The following CCDC3 variants were observed in gnomAD, a reference collection of about 807,000 sequenced individuals.
CCDC3 encodes the protein coiled-coil domain-containing protein 3.
Under a neutral mutation model 21.4 loss-of-function variants are expected in CCDC3, and 24 were observed. The observed-to-expected ratio is 1.12, with a 90% CI of 0.81 to 1.58. The LOEUF (loss-of-function observed/expected upper bound fraction) is 1.58. CCDC3 is among the 40% of genes most tolerant of loss of function. The pLI is 0.00. For synonymous variants in CCDC3, 186 were observed against 166.0 expected, an observed-to-expected ratio of 1.12 and a Z score of -0.93; for missense variants, 425 against 360.9, an observed-to-expected ratio of 1.18 and a Z score of -1.44.
At chr10:12,986,706 G>C (rs555868471) in intron 2 of CCDC3, among the ~76,000 whole-genome samples, 2 of 151,328 alleles carry the variant, frequency 1.3e-5, no homozygotes, top group African/African-American at 4.9e-5. Context: ...GCGGGAGGCG[G>C]AGCTTGCAGT....
intron 5 of CCDC3, among the ~76,000 whole-genome samples, chr10:13,015,074 GA>G (rs1445268415): frequency 2.0e-5 from 3 of 152,086 alleles, no homozygotes; most frequent in Non-Finnish European, 2.9e-5. Context: ...GCATGCATGT[GA>G]TATAACGTTA....
chr10:12,960,299 C>G (rs1275548290), intron 2 of CCDC3, among the ~76,000 whole-genome samples: 1 of 152,160 alleles, frequency 6.6e-6, no homozygotes, highest in African/African-American at 2.4e-5. Flanking sequence ...TTACAGAACT[C>G]TGGAGTCATT....
intron 2 of CCDC3, among the ~76,000 whole-genome samples, chr10:12,984,006 G>C (rs1047135849): frequency 2.6e-5 from 4 of 152,178 alleles, no homozygotes; most frequent in African/African-American, 9.6e-5. Context: ...CCTGACCCCG[G>C]GAGACAGAGG....
rs533006133 is a variant in CCDC3, at chr10:13,001,556, C to T, written c.15G>A (p.Leu5=). MLRQ[L]LLAALCLAGP... ...CCGCCAGGCAGAGCGCGGCGAGCAG[C>T]AGCTGGCGCAGCATGCCGGGCCCTC... The change falls in exon 1 of 3, where the codon CTG becomes CTA. Residue 5 remains leucine, a synonymous_variant. Transcript: ENST00000378825. 1.5e-4 allele frequency: 185 copies of T among 1,253,036 alleles called. 2 individuals carry two copies. The East Asian group carries it at 5.5e-3, about 38-fold the overall frequency. 77.6% of individuals were successfully genotyped at this position (1,253,036 alleles called of 1,614,324 possible).
intron 2 of CCDC3, among the ~76,000 whole-genome samples, chr10:12,918,728 G>T (rs144553883): frequency 6.6e-6 from 1 of 152,110 alleles, no homozygotes; most frequent in African/African-American, 2.4e-5. Context: ...AAGGGGGAAG[G>T]CTTCCAACAT....
chr10:12,972,645 C>T (rs1025448680), intron 2 of CCDC3, among the ~76,000 whole-genome samples: 12 of 152,036 alleles, frequency 7.9e-5, no homozygotes, highest in Admixed American at 3.3e-4. Flanking sequence ...GGTGAAACCC[C>T]GTCTCTACTA....
intron 5 of CCDC3, among the ~76,000 whole-genome samples, chr10:13,021,900 C>G (rs1836151205): frequency 6.6e-6 from 1 of 152,122 alleles, no homozygotes; most frequent in Non-Finnish European, 1.5e-5. Flanking sequence ...GCTGGGATTA[C>G]AGGTGCACGC....
At chr10:13,050,483 C>T (rs1483747016) in intron 4 of CCDC3, among the ~76,000 whole-genome samples, 5 of 116,924 alleles carry the variant, frequency 4.3e-5, no homozygotes, top group African/African-American at 6.6e-5. Flanking sequence ...TTTTTTGAGA[C>T]GGAGTCTCGC....
chr10:12,969,172 G>A (rs777432518), intron 2 of CCDC3, among the ~76,000 whole-genome samples: 43 of 152,028 alleles, frequency 2.8e-4, no homozygotes, highest in Admixed American at 2.6e-4. Flanking sequence ...CTCTAAAGAC[G>A]ACATACAAAT....
intron 2 of CCDC3, among the ~76,000 whole-genome samples, chr10:12,941,826 A>G (rs551010262): frequency 6.6e-6 from 1 of 152,306 alleles, no homozygotes; most frequent in Non-Finnish European, 1.5e-5. Context: ...TTTGTAATAG[A>G]AAATTCCATC....
chr10:12,926,046 G>A (rs943883171), intron 2 of CCDC3, among the ~76,000 whole-genome samples: 6 of 152,262 alleles, frequency 3.9e-5, no homozygotes, highest in Admixed American at 3.3e-4. Flanking sequence ...CAGAGGGACT[G>A]CTGGCTGCCT....
At chr10:13,065,812 T>C (rs1248736033) in intron 4 of CCDC3, among the ~76,000 whole-genome samples, 2 of 152,216 alleles carry the variant, frequency 1.3e-5, no homozygotes, top group Non-Finnish European at 2.9e-5. Context: ...GTCATATATA[T>C]ATATCAGTCA....
chr10:13,015,202 T>C (rs1382698844), intron 5 of CCDC3, among the ~76,000 whole-genome samples: 1 of 152,104 alleles, frequency 6.6e-6, no homozygotes, highest in Non-Finnish European at 1.5e-5. Context: ...TTTATGTATT[T>C]GCCTGATGTA....
At chr10:13,072,767 T>C (rs747219930) in intron 4 of CCDC3, among the ~76,000 whole-genome samples, 1 of 152,074 alleles carries the variant, frequency 6.6e-6, no homozygotes, top group Non-Finnish European at 1.5e-5. Flanking sequence ...TCATGTGACA[T>C]GAACCCAGTT....
chr10:13,032,918 A>G (rs1455555824), intron 5 of CCDC3, among the ~76,000 whole-genome samples: 1 of 152,230 alleles, frequency 6.6e-6, no homozygotes, highest in Non-Finnish European at 1.5e-5. Context: ...CATACTGCCC[A>G]AGGTAATTTA....
chr10:12,964,770 C>G (rs1340560996), intron 2 of CCDC3, among the ~76,000 whole-genome samples: 1 of 152,212 alleles, frequency 6.6e-6, no homozygotes, highest in Non-Finnish European at 1.5e-5. Context: ...GCAAGTGACA[C>G]CTACAGTCAC....
In CCDC3 at chr10:12,898,450, C is replaced by T. The variant is rs766631938; in HGVS notation, c.779G>A (p.Arg260Gln). Reference protein sequence around the residue: ...AAGALPHINARGPVRPPYLRG With the variant: ...AAGALPHINAQGPVRPPYLRG Reference sequence around the variant, plus strand: ...CAGGTAGGGGGGGCGCACGGGCCCCCGGGCATTGATGTGCGGCAGCGCGCC... The same window carrying T: ...CAGGTAGGGGGGGCGCACGGGCCCCTGGGCATTGATGTGCGGCAGCGCGCC... The change falls in exon 3 of 3, where the codon CGG becomes CAG. Residue 260 changes from arginine to glutamine, a missense_variant. Coordinates refer to ENST00000378825, the MANE Select transcript of CCDC3 (RefSeq NM_031455.4). 5 of 1,609,172 alleles carry T rather than the reference C, an allele frequency of 3.1e-6. No individual in the cohort carries two copies. In the East Asian group the frequency reaches 6.7e-5, roughly 22 times the overall value.
chr10:12,981,888 G>A (rs1407371792), intron 2 of CCDC3, among the ~76,000 whole-genome samples: 1 of 151,914 alleles, frequency 6.6e-6, no homozygotes, highest in East Asian at 1.9e-4. Context: ...ACTTTGGGAG[G>A]CTGAGACAGG....
upstream of CCDC3, among the ~76,000 whole-genome samples, chr10:13,005,928 T>A (rs1835918931): frequency 6.6e-6 from 1 of 152,210 alleles, no homozygotes; most frequent in African/African-American, 2.4e-5. Flanking sequence ...CCCATTTAGA[T>A]CATCCAAGGA....
Sources: allele counts gnomAD v4.1 joint callset (sites outside exome capture counted in the v4.1 genomes callset), GRCh38; gene constraint gnomAD v4.1.1; transcripts MANE v1.5; gene names NCBI Gene and HGNC (gene_info 2026-07-23, HGNC 2026-07-21).